The following SBF2 variants were observed in gnomAD, a reference collection of about 807,000 sequenced individuals.
The protein encoded by SBF2 is SET binding factor 2.
Under a neutral mutation model 225.2 loss-of-function variants are expected in SBF2, and 112 were observed. The ratio of observed to expected loss-of-function variants is 0.50; its 90% CI spans 0.43 to 0.58. SBF2 has a LOEUF of 0.58. Ranked by LOEUF, SBF2 falls within the 20% of genes least tolerant of loss-of-function variation. The pLI, the probability that SBF2 is intolerant of heterozygous loss-of-function variation, is 0.00. For missense variants in SBF2, 1,996 were observed against 2,206.2 expected, an observed-to-expected ratio of 0.90 and a Z score of 1.91; for synonymous variants, 763 against 773.3, an observed-to-expected ratio of 0.99 and a Z score of 0.22.
chr11:9,987,726 G>A (rs1305822163), intron 13 of SBF2, among the ~76,000 whole-genome samples: 13 of 151,724 alleles, frequency 8.6e-5, no homozygotes, highest in Admixed American at 3.3e-4. Flanking sequence ...TCCAAAGACC[G>A]CTACATGGAA....
At chr11:9,947,709 C>T (rs1028802529) in intron 16 of SBF2, among the ~76,000 whole-genome samples, 2 of 152,150 alleles carry the variant, frequency 1.3e-5, no homozygotes, top group East Asian at 1.9e-4. Context: ...ACACCACTCC[C>T]GTTAGGGAGA....
intron 1 of SBF2, among the ~76,000 whole-genome samples, chr11:10,226,853 G>C (rs1958585520): frequency 6.6e-6 from 1 of 152,172 alleles, no homozygotes; most frequent in Non-Finnish European, 1.5e-5. Context: ...CCAGTAATGG[G>C]ATGGCTGGGT....
At chr11:9,940,830 G>A (rs960025253) in intron 16 of SBF2, among the ~76,000 whole-genome samples, 1 of 151,980 alleles carries the variant, frequency 6.6e-6, no homozygotes, top group Non-Finnish European at 1.5e-5. Flanking sequence ...AAATAATAAA[G>A]ATAGAAAAGA....
chr11:10,175,350 G>A (rs1420812429), intron 2 of SBF2, among the ~76,000 whole-genome samples: 1 of 151,148 alleles, frequency 6.6e-6, no homozygotes, highest in African/African-American at 2.4e-5. Context: ...AAAAAAGGTA[G>A]GGGTTGCAAT....
Position 9,787,700 on chromosome 11 carries a change from A to T in SBF2, c.4971T>A (p.Pro1657=), listed in dbSNP as rs1212532747. Residue 1657 remains proline (P), a synonymous_variant, in exon 36 of 40, where the codon CCT becomes CCA. Transcript: ENST00000256190. The stretch of plus-strand genomic sequence containing the variant: ...TTTCCCACAGCTGCTGCCACTTCTC[A>T]GGGGCTTGGTTCAATTTGTGCTCCA... The part of the protein sequence containing the change: ...EKLEHKLNQA[P]EKWQQLWERV... The T allele has an allele frequency of 6.2e-7, 1 of 1,614,186 alleles. No individual in the cohort carries two copies.
intron 7 of SBF2, among the ~76,000 whole-genome samples, chr11:10,001,843 G>T (rs140444899): frequency 5.9e-5 from 9 of 152,164 alleles, no homozygotes; most frequent in African/African-American, 1.4e-4. Flanking sequence ...TTTTTTTAAA[G>T]AAATTCTGGA....
At chr11:10,022,973 C>T (rs989539554) in intron 6 of SBF2, among the ~76,000 whole-genome samples, 4 of 152,078 alleles carry the variant, frequency 2.6e-5, no homozygotes, top group Admixed American at 6.6e-5. Context: ...AAGGTTATAA[C>T]GGCACATAAT....
At chr11:10,273,203 T>C (rs1187752232) in intron 1 of SBF2, among the ~76,000 whole-genome samples, 1 of 152,232 alleles carries the variant, frequency 6.6e-6, no homozygotes, top group Non-Finnish European at 1.5e-5. Flanking sequence ...GTTTAATTAT[T>C]AGTAGAAAGA....
intron 1 of SBF2, among the ~76,000 whole-genome samples, chr11:10,201,182 A>T (rs1957557971): frequency 6.6e-6 from 1 of 152,256 alleles, no homozygotes; most frequent in African/African-American, 2.4e-5. Flanking sequence ...TTAATAGAAT[A>T]GAAGCTGATC....
chr11:10,162,938 T>C (rs935033160), intron 2 of SBF2, among the ~76,000 whole-genome samples: 2 of 152,146 alleles, frequency 1.3e-5, no homozygotes, highest in African/African-American at 4.8e-5. Flanking sequence ...CTTTTTCAGC[T>C]GAGTCTTTAG....
intron 13 of SBF2, among the ~76,000 whole-genome samples, chr11:9,983,872 A>G (rs572039760): frequency 2.0e-4 from 30 of 152,338 alleles, no homozygotes; most frequent in African/African-American, 7.0e-4. Flanking sequence ...TCCATAGGAA[A>G]AGAGGGAGAG....
At chr11:10,098,720 C>CACACACACACACAT (rs144970897) in intron 2 of SBF2, among the ~76,000 whole-genome samples, 1 of 140,260 alleles carries the variant, frequency 7.1e-6, no homozygotes, top group African/African-American at 2.7e-5. Context: ...CACACACACA[C>CACACACACACACAT]GAAATTCTGG....
At chr11:9,920,130 G>T (rs544444561) in intron 16 of SBF2, among the ~76,000 whole-genome samples, 42 of 151,878 alleles carry the variant, frequency 2.8e-4, no homozygotes, top group Non-Finnish European at 5.1e-4. Flanking sequence ...GGTATACTGG[G>T]AGAGTACAGC....
At chr11:10,000,763 A>T in intron 8 of SBF2, 151 bp downstream of exon 8, 1 of 593,734 alleles carries the variant, frequency 1.7e-6, no homozygotes, top group Non-Finnish European at 3.1e-6. Flanking sequence ...TAATATACAG[A>T]CTTTTCAATG....
At chr11:9,913,933 C>A (rs993334801) in intron 16 of SBF2, among the ~76,000 whole-genome samples, 1 of 152,204 alleles carries the variant, frequency 6.6e-6, no homozygotes, top group Non-Finnish European at 1.5e-5. Flanking sequence ...AATTCCTGGG[C>A]TCAAGCCATC....
At chr11:9,983,428 C>T (rs544618128) in intron 13 of SBF2, among the ~76,000 whole-genome samples, 69 of 152,252 alleles carry the variant, frequency 4.5e-4, no homozygotes, top group Middle Eastern at 3.4e-3. Flanking sequence ...CATCAAGACC[C>T]GCCCAAAGAG....
intron 2 of SBF2, among the ~76,000 whole-genome samples, chr11:10,170,850 T>C (rs1433332574): frequency 6.6e-6 from 1 of 152,120 alleles, no homozygotes; most frequent in Non-Finnish European, 1.5e-5. Context: ...ATAATTTTCA[T>C]TGTAGAGATC....
At chr11:9,847,182 T>C (rs1856610228) in intron 22 of SBF2, 99 bp from the exon 23 acceptor site, 5 of 1,455,152 alleles carry the variant, frequency 3.4e-6, no homozygotes, top group Admixed American at 3.4e-5. Context: ...AGAAATGTAT[T>C]TGAAGAGGAC....
chr11:9,961,509 G>A (rs577630394), intron 16 of SBF2: 2 of 153,856 alleles, frequency 1.3e-5, no homozygotes. Flanking sequence ...TTGAAGCCAA[G>A]TGGAAATTTT....
Sources: allele counts gnomAD v4.1 joint callset (sites outside exome capture counted in the v4.1 genomes callset), GRCh38; gene constraint gnomAD v4.1.1; transcripts MANE v1.5; gene names NCBI Gene and HGNC (gene_info 2026-07-23, HGNC 2026-07-21).